Variants in MKLN1 observed in about 807,000 individuals in gnomAD.
MKLN1 encodes muskelin.
In MKLN1, 18 loss-of-function variants were observed where a neutral mutation model predicts 99.0. That is an observed-to-expected ratio of 0.18 (90% CI 0.13 to 0.27). The LOEUF (loss-of-function observed/expected upper bound fraction) is 0.27. Ranked by LOEUF, MKLN1 falls within the 10% of genes least tolerant of loss-of-function variation. The pLI is 1.00. For synonymous variants in MKLN1, 288 were observed against 293.2 expected, an observed-to-expected ratio of 0.98 and a Z score of 0.18; for missense variants, 621 against 875.9, an observed-to-expected ratio of 0.71 and a Z score of 3.67.
At chr7:131,467,903 T>G (rs1479435260) in intron 15 of MKLN1, among the ~76,000 whole-genome samples, 3 of 152,194 alleles carry the variant, frequency 2.0e-5, no homozygotes, top group Non-Finnish European at 4.4e-5. Context: ...TGGGGCACTT[T>G]AGGTTTGAGA....
At chr7:131,271,130 C>T (rs935163013) in intron 3 of MKLN1, among the ~76,000 whole-genome samples, 3 of 152,054 alleles carry the variant, frequency 2.0e-5, no homozygotes, top group Admixed American at 6.5e-5. Context: ...CACAGTACAA[C>T]GTGATGAATG....
At chr7:131,213,545 T>C (rs1450869019) in intron 3 of MKLN1, among the ~76,000 whole-genome samples, 1 of 152,226 alleles carries the variant, frequency 6.6e-6, no homozygotes. Flanking sequence ...GGAAGGATGT[T>C]GAGCAGAATT....
chr7:131,439,882 A>G (rs1795782663), intron 10 of MKLN1, among the ~76,000 whole-genome samples: 1 of 7,706 alleles, frequency 1.3e-4, no homozygotes, highest in South Asian at 3.4e-3. Context: ...ACACACACAC[A>G]CACACACACA....
At chr7:131,152,977 A>C (rs1795910292) in intron 2 of MKLN1, among the ~76,000 whole-genome samples, 1 of 151,368 alleles carries the variant, frequency 6.6e-6, no homozygotes, top group Admixed American at 6.6e-5. Context: ...CATTCCTATG[A>C]TATAGCTCAA....
At chr7:131,286,111 G>A (rs1055776389) in intron 3 of MKLN1, among the ~76,000 whole-genome samples, 3 of 151,940 alleles carry the variant, frequency 2.0e-5, no homozygotes, top group East Asian at 1.9e-4. Context: ...TTATCACGCC[G>A]GACTAATTTT....
chr7:131,378,921 A>G (rs930323048), intron 2 of MKLN1, among the ~76,000 whole-genome samples: 4 of 151,616 alleles, frequency 2.6e-5, no homozygotes, highest in African/African-American at 7.3e-5. Flanking sequence ...CCTTAAAGCA[A>G]TTCATTCTCA....
chr7:131,274,762 T>C (rs888001377), intron 3 of MKLN1, among the ~76,000 whole-genome samples: 3 of 152,136 alleles, frequency 2.0e-5, no homozygotes, highest in Non-Finnish European at 2.9e-5. Context: ...GAGAGACATC[T>C]GACACTCACT....
chr7:131,117,415 C>T (rs1795294115), intron 1 of MKLN1, among the ~76,000 whole-genome samples: 1 of 149,448 alleles, frequency 6.7e-6, no homozygotes. Context: ...GGGCGACAGA[C>T]CGAGACTCCA....
chr7:131,315,962 C>T (rs949460898), intron 3 of MKLN1, among the ~76,000 whole-genome samples: 12 of 152,204 alleles, frequency 7.9e-5, no homozygotes, highest in South Asian at 2.1e-4. Flanking sequence ...CAGAGCACTG[C>T]GGAGGGGCTG....
chr7:131,482,010 G>T (rs1307684618), intron 17 of MKLN1, among the ~76,000 whole-genome samples: 1 of 152,108 alleles, frequency 6.6e-6, no homozygotes, highest in Non-Finnish European at 1.5e-5. Context: ...AATCTCCAAG[G>T]ATCTTGATTT....
At chr7:131,299,537 T>C (rs1050100540) in intron 3 of MKLN1, among the ~76,000 whole-genome samples, 4 of 152,216 alleles carry the variant, frequency 2.6e-5, no homozygotes, top group African/African-American at 9.6e-5. Flanking sequence ...ATTTAACCCT[T>C]TTCCCATTTA....
chr7:131,173,968 C>CTTTTTTTTTTTTTT lies in MKLN1; in HGVS notation c.-296-28884_-296-28883insTTTTTTTTTTTTTT, dbSNP rs796102760. ...TTCTCCAGAGTTTAAAGACCTTTTT[C>CTTTTTTTTTTTTTT]TTTTTCTTTTTTTTTTTTTTTTGAG... On this transcript the variant is annotated intron_variant, in intron 2 of 7. Coordinates refer to the MKLN1 transcript ENST00000416992. Among the ~76,000 whole-genome samples, 6 of 118,654 alleles carry CTTTTTTTTTTTTTT rather than the reference C, an allele frequency of 5.1e-5. 1 individual carries two copies. Among genetic ancestry groups the CTTTTTTTTTTTTTT allele is most frequent in the African/African-American group, 9.1e-5 (3 of 32,842 alleles). 77.8% of individuals were successfully genotyped at this position (118,654 alleles called of 152,430 possible).
intron 8 of MKLN1, among the ~76,000 whole-genome samples, chr7:131,418,369 C>CAAAAAA (rs943898750): frequency 3.7e-5 from 2 of 54,792 alleles, no homozygotes; most frequent in Non-Finnish European, 7.9e-5. Context: ...GACTTCGTCT[C>CAAAAAA]AAAAAAAAAA....
chr7:131,156,805 C>G (rs113143514), intron 2 of MKLN1, among the ~76,000 whole-genome samples: 8,058 of 152,244 alleles, frequency 0.053, 383 homozygotes, highest in African/African-American at 0.13. Context: ...TACACAGCAT[C>G]TGAGTGCTTC....
At chr7:131,418,593 C>T (rs1360832907) in intron 8 of MKLN1, among the ~76,000 whole-genome samples, 1 of 152,162 alleles carries the variant, frequency 6.6e-6, no homozygotes, top group African/African-American at 2.4e-5. Context: ...CCTCATGCAG[C>T]CCATGGGCCA....
In MKLN1 at chr7:131,474,056, A is replaced by G. The variant is rs200208134; in HGVS notation, c.2031+3112A>G. Among the ~76,000 whole-genome samples the G allele has an allele frequency of 2.7e-4, 41 of 152,228 alleles. No homozygotes were observed. In the East Asian group the frequency reaches 7.5e-3, roughly 28 times the overall value. ...TCCCAGCTGATCGGGAGGTTGAGGC[A>G]GGAGAATCTCTTGAACCCGGGAGGT... On this transcript the variant is annotated intron_variant, in intron 16 of 17. Coordinates refer to ENST00000352689, the MANE Select transcript of MKLN1 (RefSeq NM_013255.5).
intron 3 of MKLN1, among the ~76,000 whole-genome samples, chr7:131,244,313 AC>A (rs1192767000): frequency 6.6e-6 from 1 of 151,994 alleles, no homozygotes; most frequent in Non-Finnish European, 1.5e-5. Flanking sequence ...TGTTTTCATG[AC>A]CCGCTCCTCC....
At chr7:131,378,945 A>G (rs1793754920) in intron 2 of MKLN1, among the ~76,000 whole-genome samples, 1 of 151,854 alleles carries the variant, frequency 6.6e-6, no homozygotes, top group South Asian at 2.1e-4. Context: ...TAAGAATGAA[A>G]CAGAAGAAGT....
chr7:131,139,704 TTCA>T (rs1795703102), intron 1 of MKLN1, among the ~76,000 whole-genome samples: 1 of 152,136 alleles, frequency 6.6e-6, no homozygotes, highest in Non-Finnish European at 1.5e-5. Context: ...CTGCTCAGAG[TTCA>T]GGTACACATT....
Sources: allele counts gnomAD v4.1 joint callset (sites outside exome capture counted in the v4.1 genomes callset), GRCh38; gene constraint gnomAD v4.1.1; transcripts MANE v1.5; gene names NCBI Gene and HGNC (gene_info 2026-07-23, HGNC 2026-07-21).